Variants in MAP3K5 observed in about 807,000 individuals in gnomAD.
MAP3K5 encodes mitogen-activated protein kinase kinase kinase 5, also known as ASK-1.
A neutral mutation model predicts 158.7 loss-of-function variants in MAP3K5; 56 were observed. The observed-to-expected ratio is 0.35, with a 90% CI of 0.28 to 0.44. The LOEUF is 0.44. Ranked by LOEUF, MAP3K5 falls within the 20% of genes least tolerant of loss-of-function variation. The pLI is 1.00. For synonymous variants in MAP3K5, 579 were observed against 601.7 expected, an observed-to-expected ratio of 0.96 and a Z score of 0.55; for missense variants, 1,294 against 1,674.8, an observed-to-expected ratio of 0.77 and a Z score of 3.97.
chr6:136,656,520 T>C (rs559121901), intron 9 of MAP3K5, 60 bp from the exon 10 acceptor site: 1 of 1,004,972 alleles, frequency 1.0e-6, no homozygotes, highest in South Asian at 1.6e-5. Flanking sequence ...TGTTCCCATG[T>C]ATCCCAGTCT....
At chr6:136,667,655 C>A (rs1186849782) in intron 8 of MAP3K5, among the ~76,000 whole-genome samples, 1 of 152,020 alleles carries the variant, frequency 6.6e-6, no homozygotes, top group African/African-American at 2.4e-5. Context: ...TCTAAACCAG[C>A]CTGGGCAACA....
chr6:136,604,767 C>CT (rs67820384), intron 19 of MAP3K5, among the ~76,000 whole-genome samples: 2,906 of 151,640 alleles, frequency 0.019, 45 homozygotes, highest in Non-Finnish European at 0.029. Flanking sequence ...TAATTATGCT[C>CT]TTTTTTTTTT....
At chr6:136,765,080 A>G (rs149441568) in intron 1 of MAP3K5, among the ~76,000 whole-genome samples, 1 of 152,340 alleles carries the variant, frequency 6.6e-6, no homozygotes, top group East Asian at 1.9e-4. Flanking sequence ...AGTCATCATT[A>G]GATTCCCCCA....
chr6:136,771,406 C>T (rs1352059744), intron 1 of MAP3K5, among the ~76,000 whole-genome samples: 1 of 152,096 alleles, frequency 6.6e-6, no homozygotes, highest in East Asian at 1.9e-4. Context: ...AGAGCAGAAG[C>T]AGCTGTCAAC....
intron 1 of MAP3K5, among the ~76,000 whole-genome samples, chr6:136,771,223 G>A (rs1367575324): frequency 6.6e-6 from 1 of 152,112 alleles, no homozygotes; most frequent in East Asian, 1.9e-4. Flanking sequence ...ATGAAACCTA[G>A]CTGATTTCCC....
chr6:136,715,446 C>T (rs985124815), intron 2 of MAP3K5, among the ~76,000 whole-genome samples: 2 of 152,160 alleles, frequency 1.3e-5, no homozygotes, highest in African/African-American at 4.8e-5. Context: ...AGAACTATAA[C>T]ATTACAGATA....
intron 2 of MAP3K5, among the ~76,000 whole-genome samples, chr6:136,712,765 A>T (rs533130414): frequency 2.6e-5 from 4 of 152,306 alleles, no homozygotes; most frequent in East Asian, 3.9e-4. Flanking sequence ...TAACTGAATT[A>T]CGGGGGTGGT....
At chr6:136,687,146 C>T (rs1367490399) in intron 7 of MAP3K5, among the ~76,000 whole-genome samples, 4 of 152,148 alleles carry the variant, frequency 2.6e-5, no homozygotes, top group African/African-American at 9.7e-5. Context: ...TGATCTTTGA[C>T]AAACCTGACA....
At chr6:136,594,483 G>T (rs1775535193) in intron 21 of MAP3K5, among the ~76,000 whole-genome samples, 1 of 152,200 alleles carries the variant, frequency 6.6e-6, no homozygotes, top group African/African-American at 2.4e-5. Flanking sequence ...GAGTTTCACT[G>T]CTATGAGATG....
At chr6:136,658,726 T>C (rs1778875735) in intron 9 of MAP3K5, among the ~76,000 whole-genome samples, 1 of 152,130 alleles carries the variant, frequency 6.6e-6, no homozygotes, top group African/African-American at 2.4e-5. Context: ...CAATTTCAAA[T>C]TAGAAAAACA....
chr6:136,750,973 G>A (rs544777013), intron 1 of MAP3K5, among the ~76,000 whole-genome samples: 1 of 152,094 alleles, frequency 6.6e-6, no homozygotes, highest in Non-Finnish European at 1.5e-5. Context: ...CAGAGAATAC[G>A]TTCCTCTCTT....
At chr6:136,622,771 T>G (rs1776865443) in intron 15 of MAP3K5, 77 bp downstream of exon 15, 2 of 1,445,476 alleles carry the variant, frequency 1.4e-6, no homozygotes, top group African/African-American at 1.4e-5. Flanking sequence ...CATTAGAATA[T>G]CATCAAGTAT....
chr6:136,601,813 G>C lies in MAP3K5; in HGVS notation c.2846C>G (p.Pro949Arg), dbSNP rs1775888891. ...ATGCAACCACATACCTGAAAGCTTA[G>C]GTTGTGTCTTTTTCTTTTTGCTTGA... ...KVSSKKKKTQ[P>R]KLSALSAGSN... Residue 949 changes from proline to arginine, a missense_variant, in exon 20 of 30, where the codon CCT (proline) becomes CGT (arginine). Pro to Arg is a moderately radical substitution (Grantham distance 103). Around this residue, in one of 5 missense-constraint regions of MAP3K5, gnomAD observed 362 missense variants for 463.2 expected, o/e 0.78. Transcript: ENST00000359015. 1.9e-6 allele frequency: 3 copies of C among 1,613,908 alleles called. No homozygotes were observed. The highest frequency in any genetic ancestry group is 2.5e-6 in the Non-Finnish European group (3 of 1,179,978).
chr6:136,755,877 T>C (rs1325621959), intron 1 of MAP3K5, among the ~76,000 whole-genome samples: 5 of 152,170 alleles, frequency 3.3e-5, no homozygotes, highest in Non-Finnish European at 7.4e-5. Flanking sequence ...CTGAGGTTTC[T>C]AGTCAGGGTG....
intron 7 of MAP3K5, among the ~76,000 whole-genome samples, chr6:136,684,574 C>T (rs1780065821): frequency 6.6e-6 from 1 of 152,008 alleles, no homozygotes; most frequent in Admixed American, 6.6e-5. Context: ...TTAAGTTTGC[C>T]ACTTCAGAAA....
chr6:136,573,163 T>C (rs1774447036), intron 25 of MAP3K5, among the ~76,000 whole-genome samples: 1 of 152,194 alleles, frequency 6.6e-6, no homozygotes, highest in Non-Finnish European at 1.5e-5. Context: ...GATGGCCCTC[T>C]CCAATGTGGG....
At chr6:136,781,801 G>C (rs550665838) in intron 1 of MAP3K5, among the ~76,000 whole-genome samples, 50 of 152,298 alleles carry the variant, frequency 3.3e-4, no homozygotes, top group Admixed American at 2.2e-3. Flanking sequence ...GAAATATCTA[G>C]CTACAGGCCA....
chr6:136,690,460 C>T (rs1405470978), intron 7 of MAP3K5, among the ~76,000 whole-genome samples: 8 of 152,158 alleles, frequency 5.3e-5, no homozygotes, highest in Non-Finnish European at 8.8e-5. Context: ...AAATTTATGG[C>T]ACAACCAGCA....
At chr6:136,752,865 C>T (rs146383428) in intron 1 of MAP3K5, among the ~76,000 whole-genome samples, 16 of 152,124 alleles carry the variant, frequency 1.1e-4, no homozygotes, top group South Asian at 2.1e-4. Flanking sequence ...GGTCAGGCTG[C>T]AAGTGCAAAG....
Sources: allele counts gnomAD v4.1 joint callset (sites outside exome capture counted in the v4.1 genomes callset), GRCh38; gene constraint gnomAD v4.1.1; regional missense constraint gnomAD v4.1.1; transcripts MANE v1.5; gene names NCBI Gene and HGNC (gene_info 2026-07-23, HGNC 2026-07-21).